Variants in ME1 observed in about 807,000 individuals in gnomAD.
ME1 encodes NADP-dependent malic enzyme.
ME1 carries 74 observed loss-of-function variants against 66.4 expected under a neutral mutation model. The observed-to-expected ratio is 1.11, with a 90% confidence interval of 0.92 to 1.35. ME1 has a LOEUF of 1.35. ME1 is among the 40% of genes most tolerant of loss of function. ME1 has a pLI of 0.00. For missense variants in ME1, 750 were observed against 694.1 expected, an observed-to-expected ratio of 1.08 and a Z score of -0.90; for synonymous variants, 251 against 235.6, an observed-to-expected ratio of 1.07 and a Z score of -0.60.
intron 6 of ME1, among the ~76,000 whole-genome samples, chr6:83,254,066 G>C (rs1022143947): frequency 1.3e-5 from 2 of 152,144 alleles, no homozygotes; most frequent in Admixed American, 6.6e-5. Context: ...AATGATAGGT[G>C]TTCCGAAGAT....
chr6:83,286,692 A>C (rs148606753), intron 6 of ME1, among the ~76,000 whole-genome samples: 40 of 152,332 alleles, frequency 2.6e-4, no homozygotes, highest in African/African-American at 8.9e-4. Flanking sequence ...TATAACATTT[A>C]AGAGAAAAAC....
At chr6:83,260,773 A>T (rs1766869037) in intron 6 of ME1, among the ~76,000 whole-genome samples, 1 of 152,194 alleles carries the variant, frequency 6.6e-6, no homozygotes, top group African/African-American at 2.4e-5. Context: ...ATGTTCCTGC[A>T]AAGGATGTGA....
At chr6:83,424,293 A>G (rs1212661965) in intron 1 of ME1, among the ~76,000 whole-genome samples, 2 of 152,180 alleles carry the variant, frequency 1.3e-5, no homozygotes, top group African/African-American at 4.8e-5. Flanking sequence ...GTTGACTGTG[A>G]AAAGTTCGGT....
intron 6 of ME1, among the ~76,000 whole-genome samples, chr6:83,297,659 C>T (rs560617138): frequency 6.6e-6 from 1 of 152,098 alleles, no homozygotes; most frequent in East Asian, 1.9e-4. Flanking sequence ...AAACGTTTGC[C>T]ATGGTGGTTT....
intron 13 of ME1, among the ~76,000 whole-genome samples, chr6:83,213,461 C>T (rs118162265): frequency 2.9e-4 from 44 of 151,162 alleles, no homozygotes; most frequent in Admixed American, 6.6e-4. Context: ...ACAACAACAA[C>T]AAAAAAACAA....
intron 3 of ME1, among the ~76,000 whole-genome samples, chr6:83,381,079 C>T (rs993312869): frequency 6.6e-6 from 1 of 151,930 alleles, no homozygotes; most frequent in Admixed American, 6.6e-5. Flanking sequence ...CTTGTAACTG[C>T]AAGAGTGAGA....
chr6:83,430,634 T>C (rs917662601), intron 1 of ME1, among the ~76,000 whole-genome samples: 1 of 152,238 alleles, frequency 6.6e-6, no homozygotes, highest in Admixed American at 6.5e-5. Flanking sequence ...CCTCTATCCC[T>C]AACATGGGAT....
rs6914037 is a variant in ME1 at position 83,406,575 on chromosome 6, A to G, written c.212+1193T>C. On this transcript the variant is annotated intron_variant, in intron 2 of 13. Transcript: ENST00000369705. ...AAAGTCCTCACCTCCAAATAACATCACACTGGGGATTAGATTTCAACGTAC... is the reference window on the plus strand; with the variant it reads ...AAAGTCCTCACCTCCAAATAACATCGCACTGGGGATTAGATTTCAACGTAC... 7.3e-3 allele frequency among the ~76,000 whole-genome samples: 1,107 copies of G among 152,268 alleles called. 11 individuals carry two copies. Among genetic ancestry groups the G allele is most frequent in the African/African-American group, 0.025 (1,033 of 41,542 alleles).
intron 6 of ME1, among the ~76,000 whole-genome samples, chr6:83,273,939 G>A (rs990285173): frequency 6.6e-6 from 1 of 152,086 alleles, no homozygotes; most frequent in Non-Finnish European, 1.5e-5. Context: ...AGTTTTCAGT[G>A]GAAACTGTTA....
intron 3 of ME1, among the ~76,000 whole-genome samples, chr6:83,382,672 T>C (rs560373614): frequency 6.6e-6 from 1 of 152,194 alleles, no homozygotes; most frequent in Non-Finnish European, 1.5e-5. Flanking sequence ...CATTTTACCT[T>C]TTGAAAATCA....
In ME1 at chr6:83,353,158, T is replaced by G. The variant is rs145109045; in HGVS notation, c.363-1019A>C. On this transcript the variant is annotated intron_variant, in intron 3 of 13. Coordinates refer to ENST00000369705, the MANE Select transcript of ME1 (RefSeq NM_002395.6). ...TAGGTTAACATGTTAATCTTTCTTC[T>G]GTATTCTTGGAAAATTGGTAATTGA... is the stretch of plus-strand genomic sequence containing the variant. Among the ~76,000 whole-genome samples the G allele has an allele frequency of 2.7e-4, 41 of 152,354 alleles. No individual in the cohort carries two copies. The East Asian group carries it at 7.5e-3, about 28-fold the overall frequency.
rs548880668 is a variant in ME1, at chr6:83,268,087, C to T, written c.705-14349G>A. Reference sequence around the variant, plus strand: ...ATGTTCTAAATTGCCACTTTTCATTCCTTTTCTTTTTGAAGTTGTTAGCTG... The same window carrying T: ...ATGTTCTAAATTGCCACTTTTCATTTCTTTTCTTTTTGAAGTTGTTAGCTG... On this transcript the variant is annotated intron_variant, in intron 6 of 13. Coordinates refer to ENST00000369705, the MANE Select transcript of ME1 (RefSeq NM_002395.6). 1.1e-3 allele frequency among the ~76,000 whole-genome samples: 173 copies of T among 152,228 alleles called. 1 individual carries two copies. Among genetic ancestry groups the T allele is most frequent in the Admixed American group, 4.2e-3 (64 of 15,276 alleles).
At chr6:83,413,668 T>C (rs979668514) in intron 1 of ME1, among the ~76,000 whole-genome samples, 2 of 152,192 alleles carry the variant, frequency 1.3e-5, no homozygotes, top group Non-Finnish European at 2.9e-5. Context: ...TTTATGTGCA[T>C]ATTTTACATC....
intron 5 of ME1, among the ~76,000 whole-genome samples, chr6:83,317,379 C>T (rs949928640): frequency 2.0e-5 from 3 of 151,316 alleles, no homozygotes; most frequent in African/African-American, 7.3e-5. Context: ...AGGTCCTTCA[C>T]ATCCCTTGTA....
chr6:83,237,374 A>G (rs1335002627), intron 9 of ME1, among the ~76,000 whole-genome samples: 1 of 148,232 alleles, frequency 6.7e-6, no homozygotes, highest in Non-Finnish European at 1.5e-5. Flanking sequence ...AAAGAAAGAA[A>G]AGGAAGGAAA....
At chr6:83,430,257 A>T (rs901786391) in intron 1 of ME1, among the ~76,000 whole-genome samples, 4 of 152,238 alleles carry the variant, frequency 2.6e-5, no homozygotes, top group African/African-American at 4.8e-5. Context: ...CATGTCTGGG[A>T]CAGAGTTCTT....
rs60644519 is a variant in ME1 at position 83,412,611 on chromosome 6, T to C, written c.79-4710A>G. Among the ~76,000 whole-genome samples the C allele has an allele frequency of 3.4e-3, 515 of 152,300 alleles. 10 individuals are homozygous for C. In the East Asian group the frequency reaches 0.046, roughly 13 times the overall value. On this transcript the variant is annotated intron_variant, in intron 1 of 13. Transcript: ENST00000369705. ...TTTGAAACAACAAAAGTCCTTCAAC[T>C]AGTAAATGGATAAAACTAAGGTATA...
intron 2 of ME1, among the ~76,000 whole-genome samples, chr6:83,401,582 G>A (rs1769841907): frequency 1.3e-5 from 2 of 152,184 alleles, no homozygotes; most frequent in African/African-American, 2.4e-5. Flanking sequence ...TGAAAGAGAA[G>A]GTTGCGAAGG....
At chr6:83,298,931 G>GTTTTTTTTTTTTTTTTT (rs61055748) in intron 6 of ME1, among the ~76,000 whole-genome samples, 6 of 22,494 alleles carry the variant, frequency 2.7e-4, no homozygotes, top group Non-Finnish European at 3.9e-4. Context: ...CTATGTGTCT[G>GTTTTTTTTTTTTTTTTT]TTTTTTTTTT....
Sources: allele counts gnomAD v4.1 joint callset (sites outside exome capture counted in the v4.1 genomes callset), GRCh38; gene constraint gnomAD v4.1.1; transcripts MANE v1.5; gene names NCBI Gene and HGNC (gene_info 2026-07-23, HGNC 2026-07-21).